GABRG3: variants seen among roughly 807,000 people sequenced by gnomAD.
GABRG3 encodes the protein gamma-aminobutyric acid type A receptor subunit gamma3, also known as gamma-aminobutyric acid receptor subunit gamma-3.
In GABRG3, 25 loss-of-function variants were observed where a neutral mutation model predicts 48.8. That is an observed-to-expected ratio of 0.51 (90% CI 0.37 to 0.72). GABRG3 has a LOEUF of 0.72. Ranked by LOEUF, GABRG3 falls within the 30% of genes least tolerant of loss-of-function variation. The pLI, the probability that GABRG3 is intolerant of heterozygous loss-of-function variation, is 0.00. For missense variants in GABRG3, 394 were observed against 577.9 expected, an observed-to-expected ratio of 0.68 and a Z score of 3.26; for synonymous variants, 227 against 217.6, an observed-to-expected ratio of 1.04 and a Z score of -0.38.
chr15:27,330,809 G>A (rs1170379793), intron 5 of GABRG3, among the ~76,000 whole-genome samples: 2 of 152,210 alleles, frequency 1.3e-5, no homozygotes, highest in Admixed American at 6.5e-5. Context: ...AGTAAAAATG[G>A]TTTGTGTGAC....
chr15:27,379,430 T>C (rs1566813832), intron 5 of GABRG3, among the ~76,000 whole-genome samples: 1 of 152,228 alleles, frequency 6.6e-6, no homozygotes, highest in Non-Finnish European at 1.5e-5. Flanking sequence ...ATTGCTGTTA[T>C]TTTGAACAAA....
At chr15:27,377,137 T>C (rs1307953055) in intron 5 of GABRG3, among the ~76,000 whole-genome samples, 3 of 152,184 alleles carry the variant, frequency 2.0e-5, no homozygotes, top group African/African-American at 7.2e-5. Flanking sequence ...GAGTTATGTT[T>C]GCTCCAATTC....
intron 2 of GABRG3, among the ~76,000 whole-genome samples, chr15:26,984,815 A>G (rs1041302856): frequency 2.6e-5 from 4 of 152,226 alleles, no homozygotes; most frequent in African/African-American, 7.2e-5. Flanking sequence ...GTATGTGGGC[A>G]ATCAATCTGT....
intron 3 of GABRG3, among the ~76,000 whole-genome samples, chr15:27,227,817 T>A (rs1406259113): frequency 1.3e-5 from 2 of 152,220 alleles, no homozygotes; most frequent in East Asian, 3.8e-4. Context: ...AAATAACAGA[T>A]GCTAAGGCAA....
chr15:27,384,413 C>T (rs1046213037), intron 5 of GABRG3, among the ~76,000 whole-genome samples: 11 of 152,052 alleles, frequency 7.2e-5, no homozygotes, highest in African/African-American at 2.4e-4. Context: ...CACCTGCTTG[C>T]TGAAAAAGTA....
At chr15:27,393,148 A>G (rs1023640565) in intron 5 of GABRG3, among the ~76,000 whole-genome samples, 3 of 152,006 alleles carry the variant, frequency 2.0e-5, no homozygotes, top group Non-Finnish European at 4.4e-5. Context: ...GATTGAGACC[A>G]TCCTGGCAAC....
intron 3 of GABRG3, among the ~76,000 whole-genome samples, chr15:27,068,511 G>A (rs1231169396): frequency 1.3e-5 from 2 of 152,268 alleles, no homozygotes; most frequent in Non-Finnish European, 2.9e-5. Flanking sequence ...AAACAAGAAG[G>A]AAACTTTTGG....
chr15:27,416,129 G>C (rs555204020), intron 5 of GABRG3, among the ~76,000 whole-genome samples: 2 of 152,158 alleles, frequency 1.3e-5, no homozygotes, highest in African/African-American at 4.8e-5. Flanking sequence ...ATACTTTTTG[G>C]CTTACATGTC....
chr15:27,176,372 C>T lies in GABRG3; in HGVS notation c.270+149551C>T, dbSNP rs75666603. ...CAATAAAAGTAATAGTATTTCTTTT[C>T]TAACCACTCATTTTCTGAACCAGTG... On this transcript the variant is annotated intron_variant, in intron 3 of 9. Transcript: ENST00000615808. Among the ~76,000 whole-genome samples the T allele has an allele frequency of 3.8e-3, 576 of 152,300 alleles. 4 individuals are homozygous for T. The highest frequency in any genetic ancestry group is 0.013 in the African/African-American group (560 of 41,568).
chr15:27,347,201 C>T (rs1311580723), intron 5 of GABRG3, among the ~76,000 whole-genome samples: 1 of 152,178 alleles, frequency 6.6e-6, no homozygotes, highest in Non-Finnish European at 1.5e-5. Flanking sequence ...GGTACTTCTC[C>T]TCACATAGAG....
At chr15:27,227,115 A>G (rs781405224) in intron 3 of GABRG3, among the ~76,000 whole-genome samples, 29 of 152,196 alleles carry the variant, frequency 1.9e-4, no homozygotes, top group South Asian at 4.1e-4. Flanking sequence ...ACTTGCATAG[A>G]ATGTTGTTGA....
rs540371935 is a variant in GABRG3, at chr15:27,206,144, T to TA, written c.271-120664dup. Among the ~76,000 whole-genome samples the TA allele has an allele frequency of 2.4e-4, 36 of 152,302 alleles. No homozygotes were observed. In the East Asian group the frequency reaches 3.1e-3, roughly 13 times the overall value. On this transcript the variant is annotated intron_variant, in intron 3 of 9. Transcript: ENST00000615808. ...TTTCTAGTTCCTCTAGGTGTGATGT[T>TA]ACATTGTTAATTTGAGATCTTTCTA... is the stretch of plus-strand genomic sequence containing the variant.
intron 3 of GABRG3, among the ~76,000 whole-genome samples, chr15:27,172,527 A>T (rs1176097619): frequency 1.3e-5 from 2 of 152,156 alleles, no homozygotes; most frequent in Non-Finnish European, 2.9e-5. Flanking sequence ...ACTTTTGCAA[A>T]TTAAACTCCT....
At chr15:27,004,355 C>T (rs1476543835) in intron 2 of GABRG3, among the ~76,000 whole-genome samples, 31 of 151,420 alleles carry the variant, frequency 2.0e-4, no homozygotes, top group African/African-American at 7.5e-4. Context: ...CAATGGGCGG[C>T]CGGGCAGAGA....
rs192088431 is a variant in GABRG3, at chr15:27,490,436, C to A, written c.712+9649C>A. On this transcript the variant is annotated intron_variant, in intron 6 of 9. Transcript: ENST00000615808. ...GGAGCTTACATAGGTGATGTCCATC[C>A]AGCTCACCTGAAGACTCTTGGCCAG... Among the ~76,000 whole-genome samples, 12 of 152,290 alleles carry A rather than the reference C, an allele frequency of 7.9e-5. No individual in the cohort carries two copies. In the East Asian group the frequency reaches 2.3e-3, roughly 29 times the overall value.
chr15:27,197,897 G>A (rs1217039264), intron 3 of GABRG3, among the ~76,000 whole-genome samples: 1 of 152,152 alleles, frequency 6.6e-6, no homozygotes, highest in East Asian at 1.9e-4. Flanking sequence ...TATTTGTGTA[G>A]AAGTGTTTAT....
chr15:27,483,610 C>T lies in GABRG3; in HGVS notation c.712+2823C>T, dbSNP rs200892965. Among the ~76,000 whole-genome samples, 35 of 152,316 alleles carry T rather than the reference C, an allele frequency of 2.3e-4. No homozygotes were observed. The East Asian group carries it at 6.0e-3, about 26-fold the overall frequency. On this transcript the variant is annotated intron_variant, in intron 6 of 9. Coordinates refer to ENST00000615808, the MANE Select transcript of GABRG3 (RefSeq NM_033223.5). The stretch of plus-strand genomic sequence containing the variant: ...ATGAGGCGTTCCCTTGTCCCAGACA[C>T]ATCCTTTTTACTTGGACTTCCTTGC...
chr15:27,237,058 G>A (rs375544660), intron 3 of GABRG3, among the ~76,000 whole-genome samples: 7 of 152,292 alleles, frequency 4.6e-5, no homozygotes, highest in Middle Eastern at 3.4e-3. Flanking sequence ...CTCATTTGAC[G>A]CACTCTGAAT....
At position 27,137,146 on chromosome 15, in the gene GABRG3, G is replaced by A. The variant is rs528954543; in HGVS notation, c.270+110325G>A. The stretch of plus-strand genomic sequence containing the variant: ...CCACCCTGCTTGCCGTCCTCAAGAT[G>A]CAGTTATCAATACCCCAGGAAGCCT... On this transcript the variant is annotated intron_variant, in intron 3 of 9. Coordinates refer to ENST00000615808, the MANE Select transcript of GABRG3 (RefSeq NM_033223.5). Among the ~76,000 whole-genome samples the A allele has an allele frequency of 4.6e-5, 7 of 152,316 alleles. No homozygotes were observed. In the South Asian group the frequency reaches 1.0e-3, roughly 23 times the overall value.
Sources: gnomAD v4.1 joint callset for allele counts (sites outside exome capture counted in the v4.1 genomes callset) on GRCh38, gnomAD v4.1.1 for gene constraint, MANE v1.5 for transcripts, NCBI Gene and HGNC (gene_info 2026-07-23, HGNC 2026-07-21) for gene names.